Variants in ADAMTS6 observed in about 807,000 individuals in gnomAD.
ADAMTS6 encodes A disintegrin and metalloproteinase with thrombospondin motifs 6.
Under a neutral mutation model 144.3 loss-of-function variants are expected in ADAMTS6, and 23 were observed. The ratio of observed to expected loss-of-function variants is 0.16; its 90% CI spans 0.11 to 0.23. The LOEUF (loss-of-function observed/expected upper bound fraction) is 0.23, where lower values mean the gene tolerates loss of function less well. Among genes scored for constraint, ADAMTS6 ranks in the 10% least tolerant of loss-of-function variants. The pLI, the probability that ADAMTS6 is intolerant of heterozygous loss-of-function variation, is 1.00. For missense variants in ADAMTS6, 999 were observed against 1,379.6 expected (o/e 0.72, Z 4.37); for synonymous variants, 444 against 457.5 (o/e 0.97, Z 0.38).
chr5:65,477,232 G>A (rs1217841248), intron 1 of ADAMTS6, among the ~76,000 whole-genome samples: 1 of 152,100 alleles, frequency 6.6e-6, no homozygotes, highest in Non-Finnish European at 1.5e-5. Flanking sequence ...GATCACTGGA[G>A]TGTTTTGAGT....
chr5:65,445,985 G>A (rs768948252), intron 7 of ADAMTS6, among the ~76,000 whole-genome samples: 1 of 152,174 alleles, frequency 6.6e-6, no homozygotes, highest in Non-Finnish European at 1.5e-5. Flanking sequence ...AGCGTGGTAA[G>A]AGAAAAATAA....
At position 65,190,431 on chromosome 5, in the gene ADAMTS6, C is replaced by A. The variant is rs1754940361; in HGVS notation, c.2706-2211G>T. Among the ~76,000 whole-genome samples, 3 of 152,126 alleles carry A rather than the reference C, an allele frequency of 2.0e-5. 1 individual carries two copies. The highest frequency in any genetic ancestry group is 2.0e-4 in the Admixed American group (3 of 15,270). ...CTTGCATGCCAGCCATAGTGAAACT[C>A]TGATTCAACTTTGCAACAGTGATTT... On this transcript the variant is annotated intron_variant, in intron 21 of 24. Coordinates refer to ENST00000381055, the MANE Select transcript of ADAMTS6 (RefSeq NM_197941.4).
chr5:65,442,633 T>TAA (rs942019307), intron 7 of ADAMTS6, among the ~76,000 whole-genome samples: 3 of 149,088 alleles, frequency 2.0e-5, no homozygotes, highest in African/African-American at 4.9e-5. Flanking sequence ...AATATAAATC[T>TAA]AAAAAAAAAA....
intron 9 of ADAMTS6, among the ~76,000 whole-genome samples, chr5:65,306,247 A>G (rs1743931720): frequency 6.6e-6 from 1 of 152,230 alleles, no homozygotes; most frequent in African/African-American, 2.4e-5. Context: ...AGTAACATAG[A>G]CTATTAAGAA....
chr5:65,456,588 A>G lies in ADAMTS6; in HGVS notation c.631+3582T>C, dbSNP rs149686020. On this transcript the variant is annotated intron_variant, in intron 4 of 24. Transcript: ENST00000381055. ...CTTTCCTCACTAGAATATAAACTCC[A>G]TGAGAGCAGGGACTTTTTCTGCTTT... Among the ~76,000 whole-genome samples, 50 of 152,268 alleles carry G rather than the reference A, an allele frequency of 3.3e-4. No individual in the cohort carries two copies. In the East Asian group the frequency reaches 8.5e-3, roughly 26 times the overall value.
At chr5:65,356,443 G>A (rs959098573) in intron 7 of ADAMTS6, among the ~76,000 whole-genome samples, 1 of 151,784 alleles carries the variant, frequency 6.6e-6, no homozygotes. Flanking sequence ...AATGACAACT[G>A]CTATTCTTTC....
chr5:65,374,673 G>T (rs968004641), intron 7 of ADAMTS6, among the ~76,000 whole-genome samples: 1 of 152,144 alleles, frequency 6.6e-6, no homozygotes, highest in Non-Finnish European at 1.5e-5. Context: ...TCGTGAAAAT[G>T]GCCATACTGC....
chr5:65,325,527 T>C (rs1323454616), intron 9 of ADAMTS6, among the ~76,000 whole-genome samples: 2 of 151,338 alleles, frequency 1.3e-5, no homozygotes, highest in African/African-American at 4.9e-5. Flanking sequence ...TCTTGGCCTG[T>C]CACCCAGAAT....
At chr5:65,394,015 T>C (rs1753130556) in intron 7 of ADAMTS6, among the ~76,000 whole-genome samples, 1 of 152,186 alleles carries the variant, frequency 6.6e-6, no homozygotes, top group African/African-American at 2.4e-5. Flanking sequence ...ACAGAGTTAA[T>C]CATTCATGTG....
At chr5:65,320,423 T>TA (rs1420002743) in intron 9 of ADAMTS6, among the ~76,000 whole-genome samples, 2 of 152,080 alleles carry the variant, frequency 1.3e-5, no homozygotes, top group Admixed American at 6.6e-5. Flanking sequence ...AATTTTTAAT[T>TA]AAAAATCTTC....
chr5:65,275,419 A>AAAGAAAGAAAG (rs1561364612), intron 11 of ADAMTS6, among the ~76,000 whole-genome samples: 3 of 142,460 alleles, frequency 2.1e-5, no homozygotes, highest in African/African-American at 5.3e-5. Flanking sequence ...AAGAAAGAAA[A>AAAGAAAGAAAG]GAAAGAAAGA....
At chr5:65,222,657 A>G (rs1263837289) in intron 18 of ADAMTS6, among the ~76,000 whole-genome samples, 2 of 152,104 alleles carry the variant, frequency 1.3e-5, no homozygotes, top group Non-Finnish European at 2.9e-5. Flanking sequence ...CAGTCGTAGT[A>G]TGCACAATAC....
At chr5:65,314,491 G>A (rs1255005893) in intron 9 of ADAMTS6, among the ~76,000 whole-genome samples, 1 of 152,074 alleles carries the variant, frequency 6.6e-6, no homozygotes, top group Admixed American at 6.6e-5. Flanking sequence ...AAGTAATAAT[G>A]GCTAAGAATT....
intron 10 of ADAMTS6, among the ~76,000 whole-genome samples, chr5:65,293,624 T>G (rs944105948): frequency 1.3e-5 from 2 of 152,046 alleles, no homozygotes; most frequent in African/African-American, 4.8e-5. Context: ...CAAGAATAAT[T>G]GCTTCATCTA....
chr5:65,411,244 G>T, intron 7 of ADAMTS6, among the ~76,000 whole-genome samples: 1 of 152,142 alleles, frequency 6.6e-6, no homozygotes, highest in East Asian at 1.9e-4. Context: ...GTGCTGCAGT[G>T]AACATGGGAG....
chr5:65,453,370 A>C (rs531307162), intron 4 of ADAMTS6, among the ~76,000 whole-genome samples: 17 of 152,222 alleles, frequency 1.1e-4, no homozygotes, highest in Non-Finnish European at 1.9e-4. Context: ...TCATTTTAAA[A>C]TAAGATGCTT....
rs897216515 is a variant in ADAMTS6 at position 65,269,790 on chromosome 5, C to CT, written c.1620+3549dup. On this transcript the variant is annotated intron_variant, in intron 12 of 24. Coordinates refer to ENST00000381055, the MANE Select transcript of ADAMTS6 (RefSeq NM_197941.4). ...ACATGTGATGGGCATAGTGTAAGTA[C>CT]TTTTTTTTTTTTTTTTTTTGAGATG... Among the ~76,000 whole-genome samples, 511 of 133,194 alleles carry CT rather than the reference C, an allele frequency of 3.8e-3. 1 individual carries two copies. The highest frequency in any genetic ancestry group is 5.3e-3 in the Admixed American group (70 of 13,162). The allele number at this position is 133,194 out of a possible 152,430, so 87.4% of individuals were successfully genotyped here. A position where few individuals can be genotyped will look rare whatever the true frequency, so the allele number is the denominator to read the frequency against.
At chr5:65,427,045 C>T (rs932502052) in intron 7 of ADAMTS6, among the ~76,000 whole-genome samples, 3 of 151,920 alleles carry the variant, frequency 2.0e-5, no homozygotes, top group Non-Finnish European at 4.4e-5. Flanking sequence ...TAGTGATTTG[C>T]TATTTAATAG....
At chr5:65,469,986 T>C (rs936655604) in intron 3 of ADAMTS6, among the ~76,000 whole-genome samples, 3 of 152,252 alleles carry the variant, frequency 2.0e-5, no homozygotes, top group African/African-American at 7.2e-5. Context: ...CAATTATTAC[T>C]ATGTGCAACT....
Sources: gnomAD v4.1 joint callset for allele counts (sites outside exome capture counted in the v4.1 genomes callset) on GRCh38, gnomAD v4.1.1 for gene constraint, MANE v1.5 for transcripts, NCBI Gene and HGNC (gene_info 2026-07-23, HGNC 2026-07-21) for gene names.